The following ARHGEF3 variants were observed in gnomAD, a reference collection of about 807,000 sequenced individuals.
The protein encoded by ARHGEF3 is 59.8 kDA protein.
A neutral mutation model predicts 63.2 loss-of-function variants in ARHGEF3; 28 were observed. The ratio of observed to expected loss-of-function variants is 0.44; its 90% CI spans 0.33 to 0.61. The LOEUF (loss-of-function observed/expected upper bound fraction) is 0.61, where lower values mean the gene tolerates loss of function less well. ARHGEF3 is among the 20% of genes least tolerant of loss of function. ARHGEF3 has a pLI of 0.03. For missense variants in ARHGEF3, 533 were observed against 659.3 expected, an observed-to-expected ratio of 0.81 and a Z score of 2.10; for synonymous variants, 266 against 254.2, an observed-to-expected ratio of 1.05 and a Z score of -0.44.
chr3:57,020,355 C>G (rs1703204383), intron 2 of ARHGEF3, among the ~76,000 whole-genome samples: 2 of 152,144 alleles, frequency 1.3e-5, no homozygotes, highest in Admixed American at 1.3e-4. Context: ...ATCGCTGGCC[C>G]AGATGGCATG....
At chr3:56,999,142 C>T (rs1317126375) in intron 2 of ARHGEF3, among the ~76,000 whole-genome samples, 3 of 150,664 alleles carry the variant, frequency 2.0e-5, no homozygotes, top group Non-Finnish European at 3.0e-5. Context: ...CTCTGCCTCC[C>T]GGGTTCAAGT....
rs1289196141 is a variant in ARHGEF3, at chr3:56,935,585, C to T, written c.129+23238G>A. On this transcript the variant is annotated intron_variant, in intron 3 of 12. Transcript: ENST00000338458. ...GAGCCCAGCGAGACTACAAGCCCACCGGGAGGAACGAACAACTCCAGACGC... is the reference window on the plus strand; with the variant it reads ...GAGCCCAGCGAGACTACAAGCCCACTGGGAGGAACGAACAACTCCAGACGC... Among the ~76,000 whole-genome samples the T allele has an allele frequency of 2.0e-5, 3 of 152,110 alleles. No homozygotes were observed. In the South Asian group the frequency reaches 6.2e-4, roughly 32 times the overall value.
At chr3:56,741,544 C>G (rs550509914) in intron 7 of ARHGEF3, among the ~76,000 whole-genome samples, 1 of 111,030 alleles carries the variant, frequency 9.0e-6, no homozygotes. Flanking sequence ...CTTGCCCTGT[C>G]GCCCAGGCTG....
chr3:57,015,010 CTTT>C (rs35395324), intron 2 of ARHGEF3, among the ~76,000 whole-genome samples: 4 of 142,632 alleles, frequency 2.8e-5, no homozygotes, highest in Non-Finnish European at 3.1e-5. Context: ...TTTTCATGTA[CTTT>C]TTTTTTTTTT....
intron 3 of ARHGEF3, among the ~76,000 whole-genome samples, chr3:56,935,712 T>C (rs1016863688): frequency 2.6e-5 from 4 of 151,766 alleles, no homozygotes; most frequent in African/African-American, 9.7e-5. Context: ...CGAACACATC[T>C]GAACATCAGA....
intron 4 of ARHGEF3, among the ~76,000 whole-genome samples, chr3:56,809,988 C>T (rs2038007960): frequency 3.3e-5 from 5 of 152,098 alleles, no homozygotes; most frequent in Admixed American, 2.6e-4. Context: ...CTGCCTCGAC[C>T]TCCCAAAGGG....
intron 3 of ARHGEF3, among the ~76,000 whole-genome samples, chr3:56,919,788 C>T (rs1005152292): frequency 5.9e-5 from 9 of 152,186 alleles, no homozygotes; most frequent in African/African-American, 2.2e-4. Flanking sequence ...TTATTATTAT[C>T]TTTCTTTTTG....
At chr3:57,056,231 C>T (rs549411156) in intron 1 of ARHGEF3, among the ~76,000 whole-genome samples, 54 of 151,870 alleles carry the variant, frequency 3.6e-4, no homozygotes, top group African/African-American at 1.2e-3. Context: ...GCTAAAAATA[C>T]AAAAAATTAG....
chr3:57,036,380 C>A (rs998851820), intron 1 of ARHGEF3, among the ~76,000 whole-genome samples: 2 of 152,014 alleles, frequency 1.3e-5, no homozygotes, highest in African/African-American at 4.8e-5. Context: ...TGCTTAGGAG[C>A]AACAGAGGCA....
chr3:56,959,053 A>AC (rs1208354931), intron 2 of ARHGEF3, among the ~76,000 whole-genome samples: 1 of 152,092 alleles, frequency 6.6e-6, no homozygotes, highest in African/African-American at 2.4e-5. Context: ...AGCCAAATTC[A>AC]CCCCAAACTC....
At chr3:56,841,588 T>C (rs1222201495) in intron 4 of ARHGEF3, among the ~76,000 whole-genome samples, 1 of 152,224 alleles carries the variant, frequency 6.6e-6, no homozygotes, top group Non-Finnish European at 1.5e-5. Flanking sequence ...CACAGTCTGA[T>C]GTTTCTAAGT....
chr3:56,875,540 C>T (rs1473275858), intron 4 of ARHGEF3, among the ~76,000 whole-genome samples: 10 of 152,266 alleles, frequency 6.6e-5, no homozygotes, highest in African/African-American at 1.9e-4. Flanking sequence ...TATACTATAA[C>T]AAAAATCAGG....
At chr3:56,828,309 G>A (rs1425549509) in intron 4 of ARHGEF3, among the ~76,000 whole-genome samples, 2 of 152,096 alleles carry the variant, frequency 1.3e-5, no homozygotes, top group East Asian at 3.9e-4. Context: ...GCCAAGGTGG[G>A]TGGATCATGA....
chr3:57,033,285 A>G (rs1703807810), intron 2 of ARHGEF3, among the ~76,000 whole-genome samples: 1 of 152,156 alleles, frequency 6.6e-6, no homozygotes, highest in African/African-American at 2.4e-5. Context: ...CAGGTGGAAC[A>G]TACCAGAAAG....
upstream of ARHGEF3, among the ~76,000 whole-genome samples, chr3:56,805,163 G>A (rs1336623575): frequency 6.6e-6 from 1 of 152,182 alleles, no homozygotes; most frequent in African/African-American, 2.4e-5. Context: ...GCTCATTGCA[G>A]TATCCTTAGG....
chr3:56,754,142 G>A (rs1378041065), intron 3 of ARHGEF3, among the ~76,000 whole-genome samples: 1 of 152,148 alleles, frequency 6.6e-6, no homozygotes, highest in Non-Finnish European at 1.5e-5. Context: ...CAGCCCCACA[G>A]GTACAACAAA....
intron 3 of ARHGEF3, among the ~76,000 whole-genome samples, chr3:56,890,696 TCA>T (rs1219951981): frequency 6.6e-6 from 1 of 152,212 alleles, no homozygotes; most frequent in Non-Finnish European, 1.5e-5. Flanking sequence ...CCCACTTCTT[TCA>T]CAGAGACAAG....
intron 4 of ARHGEF3, among the ~76,000 whole-genome samples, chr3:56,847,005 G>A: frequency 6.6e-6 from 1 of 152,168 alleles, no homozygotes; most frequent in East Asian, 1.9e-4. Flanking sequence ...GCACTTAGTA[G>A]GCACTTAGTA....
At chr3:57,003,781 T>C (rs377508969) in intron 2 of ARHGEF3, among the ~76,000 whole-genome samples, 85 of 152,242 alleles carry the variant, frequency 5.6e-4, no homozygotes, top group African/African-American at 2.0e-3. Context: ...GTCAGAGTCA[T>C]GCCAGGAAGG....
Sources: allele counts gnomAD v4.1 joint callset (sites outside exome capture counted in the v4.1 genomes callset), GRCh38; gene constraint gnomAD v4.1.1; transcripts MANE v1.5; gene names NCBI Gene and HGNC (gene_info 2026-07-23, HGNC 2026-07-21).